XKR6: variants seen among roughly 807,000 people sequenced by gnomAD.
The protein encoded by XKR6 is XK-related protein 6.
XKR6 carries 22 observed loss-of-function variants against 56.7 expected under a neutral mutation model. The observed-to-expected ratio is 0.39, with a 90% CI of 0.28 to 0.55. The LOEUF is 0.55. Among genes scored for constraint, XKR6 ranks in the 20% least tolerant of loss-of-function variants. The probability of loss-of-function intolerance (pLI) is 0.66; values close to 1 mark genes in which losing one functional copy is unlikely to be tolerated. For missense variants in XKR6, 852 were observed against 889.0 expected (o/e 0.96, Z 0.53); for synonymous variants, 524 against 387.8 (o/e 1.35, Z -4.13).
chr8:11,106,979 T>C (rs528029232), intron 1 of XKR6, among the ~76,000 whole-genome samples: 1 of 151,232 alleles, frequency 6.6e-6, no homozygotes, highest in Admixed American at 6.6e-5. Flanking sequence ...GAGACAGAAA[T>C]CAAGGGCAGC....
intron 1 of XKR6, among the ~76,000 whole-genome samples, chr8:11,162,902 A>C (rs1454939860): frequency 1.3e-5 from 2 of 152,256 alleles, no homozygotes; most frequent in African/African-American, 4.8e-5. Context: ...TTAGGAGTTC[A>C]CAGAAATTTT....
intron 1 of XKR6, among the ~76,000 whole-genome samples, chr8:11,143,909 T>C (rs1005275890): frequency 2.6e-5 from 4 of 152,108 alleles, no homozygotes; most frequent in African/African-American, 9.7e-5. Flanking sequence ...CTCAAATGGG[T>C]TGTTTTCTCC....
At chr8:11,097,873 G>GTT (rs34606632) in intron 1 of XKR6, among the ~76,000 whole-genome samples, 3 of 146,508 alleles carry the variant, frequency 2.0e-5, no homozygotes, top group Non-Finnish European at 1.5e-5. Flanking sequence ...AAATTCTACA[G>GTT]TTTTTTTTTT....
chr8:11,149,317 A>G (rs1023847042), intron 1 of XKR6, among the ~76,000 whole-genome samples: 2 of 152,254 alleles, frequency 1.3e-5, no homozygotes. Context: ...GCTGTAGGCA[A>G]CTATAACAAA....
intron 1 of XKR6, among the ~76,000 whole-genome samples, chr8:11,045,280 G>A (rs1799382108): frequency 6.6e-6 from 1 of 151,476 alleles, no homozygotes; most frequent in South Asian, 2.1e-4. Context: ...TGGAGACAGG[G>A]TTTCACCATG....
intron 2 of XKR6, among the ~76,000 whole-genome samples, chr8:10,912,123 G>A (rs1398043371): frequency 6.7e-6 from 1 of 149,446 alleles, no homozygotes; most frequent in Non-Finnish European, 1.5e-5. Flanking sequence ...TATAGAGAGA[G>A]AGCGCTAGAG....
intron 1 of XKR6, among the ~76,000 whole-genome samples, chr8:11,084,664 C>G (rs1378128847): frequency 6.6e-6 from 1 of 152,180 alleles, no homozygotes; most frequent in Admixed American, 6.5e-5. Context: ...AGATAAGTTA[C>G]CAGACTTCAG....
chr8:10,931,777 A>G (rs897867679), intron 1 of XKR6, among the ~76,000 whole-genome samples: 2 of 152,102 alleles, frequency 1.3e-5, no homozygotes, highest in South Asian at 2.1e-4. Context: ...GTGGTTCTGT[A>G]CCTTGTATCA....
chr8:11,114,939 A>G (rs1799099371), intron 1 of XKR6, among the ~76,000 whole-genome samples: 1 of 152,204 alleles, frequency 6.6e-6, no homozygotes, highest in African/African-American at 2.4e-5. Flanking sequence ...CACTCATTCA[A>G]CAAATACCGA....
At chr8:11,183,919 T>G (rs555823373) in intron 1 of XKR6, among the ~76,000 whole-genome samples, 1 of 152,222 alleles carries the variant, frequency 6.6e-6, no homozygotes, top group South Asian at 2.1e-4. Flanking sequence ...TGGAGCATGC[T>G]TTATACAATG....
chr8:11,148,415 C>T (rs76007266), intron 1 of XKR6, among the ~76,000 whole-genome samples: 2 of 152,162 alleles, frequency 1.3e-5, no homozygotes, highest in South Asian at 2.1e-4. Context: ...TCAGAGGAAA[C>T]CAATGCTCCT....
chr8:11,149,644 T>C (rs539334342), intron 1 of XKR6, among the ~76,000 whole-genome samples: 1 of 150,794 alleles, frequency 6.6e-6, no homozygotes, highest in Non-Finnish European at 1.5e-5. Flanking sequence ...TTACTGTTGC[T>C]GAGAATGTCA....
At chr8:10,920,465 C>T (rs746455874) in intron 2 of XKR6, among the ~76,000 whole-genome samples, 36 of 152,174 alleles carry the variant, frequency 2.4e-4, no homozygotes, top group Non-Finnish European at 2.6e-4. Context: ...TGGGAGTCAC[C>T]CCAGCTTTCT....
intron 1 of XKR6, among the ~76,000 whole-genome samples, chr8:10,978,897 C>A (rs1797658767): frequency 6.6e-6 from 1 of 152,344 alleles, no homozygotes; most frequent in South Asian, 2.1e-4. Context: ...TTCCAGGCCT[C>A]CCAGATGTCA....
intron 1 of XKR6, among the ~76,000 whole-genome samples, chr8:10,970,048 G>T (rs1412621858): frequency 6.6e-6 from 1 of 152,226 alleles, no homozygotes; most frequent in Non-Finnish European, 1.5e-5. Context: ...GCCACAGATG[G>T]GTGGCACTTG....
At chr8:10,904,157 G>C (rs1800119881) in intron 2 of XKR6, among the ~76,000 whole-genome samples, 1 of 152,166 alleles carries the variant, frequency 6.6e-6, no homozygotes, top group South Asian at 2.1e-4. Context: ...GACGAGCTCT[G>C]AGCAGTGACC....
chr8:11,113,982 T>A (rs1054087967), intron 1 of XKR6: 2 of 358,386 alleles, frequency 5.6e-6, no homozygotes, highest in African/African-American at 4.3e-5. Context: ...CCATTTACCA[T>A]GCGGGCTGAA....
intron 1 of XKR6, among the ~76,000 whole-genome samples, chr8:11,028,688 G>A (rs1321401059): frequency 6.6e-6 from 1 of 152,190 alleles, no homozygotes; most frequent in Non-Finnish European, 1.5e-5. Context: ...CTTGGTGGAT[G>A]TACCTTTGCC....
intron 1 of XKR6, among the ~76,000 whole-genome samples, chr8:10,984,732 C>CTCTCTCTCTCTCTCTATATA: frequency 4.0e-4 from 19 of 47,482 alleles, no homozygotes; most frequent in South Asian, 8.7e-4. Flanking sequence ...CTCTCTCTCT[C>CTCTCTCTCTCTCTCTATATA]TATATATATA....
Sources: gnomAD v4.1 joint callset for allele counts (sites outside exome capture counted in the v4.1 genomes callset) on GRCh38, gnomAD v4.1.1 for gene constraint, MANE v1.5 for transcripts, NCBI Gene and HGNC (gene_info 2026-07-23, HGNC 2026-07-21) for gene names.